The following HYCC2 variants were observed in gnomAD, a reference collection of about 807,000 sequenced individuals.
HYCC2 encodes the protein hyccin 2.
chr2:201,060,248 T>C, the HYCC2 span, among the ~76,000 whole-genome samples: 1 of 152,144 alleles, frequency 6.6e-6, no homozygotes, highest in African/African-American at 2.4e-5. Context: ...AAGGAGCAAG[T>C]ATGTCAAAGA....
the HYCC2 span, among the ~76,000 whole-genome samples, chr2:201,001,299 A>C: frequency 6.6e-6 from 1 of 152,158 alleles, no homozygotes; most frequent in African/African-American, 2.4e-5. Context: ...TGTACTTTCG[A>C]ATCTGCAGAA....
the HYCC2 span, chr2:201,017,229 T>G: frequency 1.4e-6 from 2 of 1,388,988 alleles, no homozygotes; most frequent in East Asian, 2.4e-5. Flanking sequence ...ACTGTTGTTT[T>G]TTTTTTTTTA....
At chr2:201,033,496 C>CG in the HYCC2 span, among the ~76,000 whole-genome samples, 2 of 151,668 alleles carry the variant, frequency 1.3e-5, no homozygotes, top group Admixed American at 6.6e-5. Flanking sequence ...CTCCGCCTCC[C>CG]GGGTTCACGC....
the HYCC2 span, among the ~76,000 whole-genome samples, chr2:201,061,707 C>A: frequency 6.6e-6 from 1 of 151,052 alleles, no homozygotes; most frequent in East Asian, 1.9e-4. Context: ...AATCTTTTCA[C>A]AAATTATTTT....
the HYCC2 span, among the ~76,000 whole-genome samples, chr2:201,031,585 A>G: frequency 6.6e-6 from 1 of 152,168 alleles, no homozygotes; most frequent in Non-Finnish European, 1.5e-5. Flanking sequence ...TGGGAAGCGG[A>G]GGTTGCGGTG....
chr2:201,033,008 A>G, the HYCC2 span, among the ~76,000 whole-genome samples: 3 of 152,100 alleles, frequency 2.0e-5, no homozygotes, highest in African/African-American at 7.2e-5. Context: ...TCTTTTAGCT[A>G]ACTACAAGGC....
chr2:201,049,516 T>G, the HYCC2 span, among the ~76,000 whole-genome samples: 6 of 151,676 alleles, frequency 4.0e-5, no homozygotes, highest in East Asian at 1.9e-4. Context: ...ACCCCGGTTT[T>G]TTTTTTTTTT....
chr2:201,037,901 T>C, the HYCC2 span, among the ~76,000 whole-genome samples: 4 of 152,066 alleles, frequency 2.6e-5, no homozygotes, highest in Non-Finnish European at 5.9e-5. Flanking sequence ...TGGGATCTAA[T>C]TAAACTAAAG....
the HYCC2 span, among the ~76,000 whole-genome samples, chr2:201,015,606 C>T: frequency 2.6e-5 from 4 of 152,058 alleles, no homozygotes; most frequent in Non-Finnish European, 4.4e-5. Flanking sequence ...TGCACACCAC[C>T]ATAAGATTCA....
the HYCC2 span, among the ~76,000 whole-genome samples, chr2:201,031,663 A>C: frequency 6.6e-6 from 1 of 152,084 alleles, no homozygotes; most frequent in African/African-American, 2.4e-5. Flanking sequence ...AAACAAACAA[A>C]CAAAAAATCA....
the HYCC2 span, among the ~76,000 whole-genome samples, chr2:201,005,482 G>A: frequency 5.3e-5 from 8 of 151,968 alleles, no homozygotes; most frequent in Non-Finnish European, 1.0e-4. Flanking sequence ...GAGCAGAGAT[G>A]ATTCCTAAGC....
the HYCC2 span, chr2:200,979,345 C>G: frequency 6.6e-6 from 1 of 152,074 alleles, no homozygotes; most frequent in African/African-American, 2.4e-5. Context: ...TTTAGCTTTA[C>G]CCTGGACTTT....
chr2:201,009,315 G>C, the HYCC2 span: 1 of 364,430 alleles, frequency 2.7e-6, no homozygotes, highest in Non-Finnish European at 5.1e-6. Flanking sequence ...TTTTTTAAAA[G>C]TCATGTAATA....
chr2:201,008,611 T>A, the HYCC2 span, among the ~76,000 whole-genome samples: 1 of 151,962 alleles, frequency 6.6e-6, no homozygotes, highest in East Asian at 1.9e-4. Flanking sequence ...AATAAATAAA[T>A]GGGCCAGGTG....
At chr2:201,015,461 T>G in the HYCC2 span, among the ~76,000 whole-genome samples, 1 of 152,190 alleles carries the variant, frequency 6.6e-6, no homozygotes, top group Non-Finnish European at 1.5e-5. Flanking sequence ...ATGGACTTTT[T>G]CCCTGTAACT....
chr2:201,056,535 G>A, the HYCC2 span, among the ~76,000 whole-genome samples: 513 of 152,062 alleles, frequency 3.4e-3, 1 homozygote, highest in African/African-American at 0.011. Flanking sequence ...TTAGCCAGGC[G>A]TGGTGGTGCA....
the HYCC2 span, among the ~76,000 whole-genome samples, chr2:201,004,607 T>C: frequency 6.6e-6 from 1 of 152,300 alleles, no homozygotes; most frequent in South Asian, 2.1e-4. Flanking sequence ...TGCATTAGGT[T>C]TTGCTTATCA....
chr2:201,059,765 A>G, the HYCC2 span, among the ~76,000 whole-genome samples: 7,874 of 152,100 alleles, frequency 0.052, 471 homozygotes, highest in African/African-American at 0.14. Context: ...CCTCTTATTG[A>G]CTGGGTGCAG....
At chr2:201,038,844 C>G in the HYCC2 span, among the ~76,000 whole-genome samples, 1 of 151,336 alleles carries the variant, frequency 6.6e-6, no homozygotes, top group Admixed American at 6.6e-5. Context: ...TGTATACATA[C>G]GTAACAAACC....
Sources: allele counts gnomAD v4.1 joint callset (sites outside exome capture counted in the v4.1 genomes callset), GRCh38; gene constraint gnomAD v4.1.1; transcripts MANE v1.5; gene names NCBI Gene and HGNC (gene_info 2026-07-23, HGNC 2026-07-21).